IQCM: variants seen among roughly 807,000 people sequenced by gnomAD.
IQCM encodes IQ domain-containing protein M.
In IQCM, 45 loss-of-function variants were observed where a neutral mutation model predicts 57.6. The ratio of observed to expected loss-of-function variants is 0.78; its 90% CI spans 0.62 to 1.00. The LOEUF is 1.00. Among genes scored for constraint, IQCM ranks in the 50% least tolerant of loss-of-function variants. The pLI is 0.00. For missense variants in IQCM, 468 were observed against 511.6 expected (o/e 0.91, Z 0.82); for synonymous variants, 148 against 158.9 (o/e 0.93, Z 0.51).
chr4:149,388,746 T>C (rs2111073388), intron 13 of IQCM, among the ~76,000 whole-genome samples: 1 of 145,058 alleles, frequency 6.9e-6, no homozygotes, highest in South Asian at 2.1e-4. Context: ...ATATATGACA[T>C]ATATAATATA....
chr4:149,487,104 T>A (rs1338291601), intron 12 of IQCM, among the ~76,000 whole-genome samples: 1 of 152,144 alleles, frequency 6.6e-6, no homozygotes, highest in Admixed American at 6.5e-5. Context: ...CTGGTATCAC[T>A]GCTGGTTATT....
At chr4:149,394,294 A>G (rs1031818421) in intron 13 of IQCM, among the ~76,000 whole-genome samples, 1 of 151,774 alleles carries the variant, frequency 6.6e-6, no homozygotes. Flanking sequence ...TCATTTTTTG[A>G]ATCTTCATGT....
chr4:149,702,365 T>C (rs960771270), intron 5 of IQCM, among the ~76,000 whole-genome samples: 13 of 151,122 alleles, frequency 8.6e-5, no homozygotes, highest in Non-Finnish European at 1.6e-4. Flanking sequence ...ACCTAAATAC[T>C]ACCTGTATTT....
At chr4:149,612,401 T>G (rs1755377674) in intron 8 of IQCM, among the ~76,000 whole-genome samples, 1 of 152,208 alleles carries the variant, frequency 6.6e-6, no homozygotes, top group Non-Finnish European at 1.5e-5. Flanking sequence ...TCCACCCATT[T>G]TCTCATTTAC....
intron 5 of IQCM, chr4:149,711,127 T>G (rs1445146275): frequency 2.0e-5 from 3 of 152,104 alleles, no homozygotes; most frequent in African/African-American, 7.2e-5. Context: ...TAGTTCTTCA[T>G]GAAAATAAAA....
intron 12 of IQCM, among the ~76,000 whole-genome samples, chr4:149,452,406 TGAA>T (rs1402313831): frequency 6.8e-6 from 1 of 147,612 alleles, no homozygotes; most frequent in East Asian, 2.0e-4. Flanking sequence ...AAAAAAAAAA[TGAA>T]GAACGTATAC....
intron 2 of IQCM, among the ~76,000 whole-genome samples, chr4:149,786,989 T>C (rs1772134187): frequency 6.6e-6 from 1 of 152,148 alleles, no homozygotes; most frequent in South Asian, 2.1e-4. Flanking sequence ...CATGGAATAC[T>C]AGGCAGCCAT....
chr4:149,782,608 G>GA (rs1276227974), intron 2 of IQCM, among the ~76,000 whole-genome samples: 3 of 89,086 alleles, frequency 3.4e-5, no homozygotes, highest in Non-Finnish European at 4.5e-5. Flanking sequence ...CTCAAAGAAA[G>GA]AAAAAAAAAG....
intron 2 of IQCM, among the ~76,000 whole-genome samples, chr4:149,800,970 A>G (rs1360593066): frequency 1.3e-4 from 20 of 151,826 alleles, no homozygotes; most frequent in Admixed American, 1.2e-3. Context: ...TCACAGAAAT[A>G]GAAAAAAAAT....
chr4:149,516,685 C>T (rs958301729), intron 12 of IQCM, among the ~76,000 whole-genome samples: 2 of 152,078 alleles, frequency 1.3e-5, no homozygotes, highest in Non-Finnish European at 2.9e-5. Context: ...GTGGAAGTGG[C>T]ACCTCTCACC....
intron 5 of IQCM, among the ~76,000 whole-genome samples, chr4:149,713,708 C>T (rs1234726835): frequency 6.6e-6 from 1 of 152,122 alleles, no homozygotes; most frequent in Non-Finnish European, 1.5e-5. Context: ...CCCATACACT[C>T]CATGTGCCCT....
intron 7 of IQCM, among the ~76,000 whole-genome samples, chr4:149,673,056 T>C (rs1032640718): frequency 6.6e-6 from 1 of 152,052 alleles, no homozygotes; most frequent in Admixed American, 6.6e-5. Flanking sequence ...AATAAAATCC[T>C]TTACAGACAA....
At chr4:149,543,909 A>G (rs1420895174) in intron 12 of IQCM, among the ~76,000 whole-genome samples, 1 of 152,194 alleles carries the variant, frequency 6.6e-6, no homozygotes. Flanking sequence ...AAATAGGTGA[A>G]CAAATATTTA....
chr4:149,564,876 A>G (rs1750465818), intron 9 of IQCM, among the ~76,000 whole-genome samples: 1 of 152,160 alleles, frequency 6.6e-6, no homozygotes, highest in African/African-American at 2.4e-5. Context: ...TGACCCTAGC[A>G]GCAATTAATA....
intron 2 of IQCM, among the ~76,000 whole-genome samples, chr4:149,780,941 G>C (rs1771550814): frequency 6.6e-6 from 1 of 152,120 alleles, no homozygotes; most frequent in Non-Finnish European, 1.5e-5. Flanking sequence ...TAGACATGTT[G>C]AGTTTAAGGA....
intron 12 of IQCM, among the ~76,000 whole-genome samples, chr4:149,460,936 A>G (rs1353074475): frequency 6.6e-6 from 1 of 152,178 alleles, no homozygotes; most frequent in African/African-American, 2.4e-5. Flanking sequence ...AAAAAAAATC[A>G]ATGTCAAAAT....
chr4:149,353,162 T>A (rs2110861832), intron 13 of IQCM, among the ~76,000 whole-genome samples: 1 of 152,206 alleles, frequency 6.6e-6, no homozygotes, highest in East Asian at 1.9e-4. Flanking sequence ...GATTTAAAAA[T>A]GGACAACAGG....
At chr4:149,586,990 A>G (rs1370884308) in intron 9 of IQCM, among the ~76,000 whole-genome samples, 1 of 151,734 alleles carries the variant, frequency 6.6e-6, no homozygotes, top group African/African-American at 2.4e-5. Flanking sequence ...TGCACAATTC[A>G]GGAGTCAGCC....
At chr4:149,399,854 G>C (rs867367820) in intron 13 of IQCM, among the ~76,000 whole-genome samples, 1 of 152,062 alleles carries the variant, frequency 6.6e-6, no homozygotes, top group African/African-American at 2.4e-5. Flanking sequence ...ATCGTAGCAA[G>C]TTCTCTTCAA....
Sources: allele counts gnomAD v4.1 joint callset (sites outside exome capture counted in the v4.1 genomes callset), GRCh38; gene constraint gnomAD v4.1.1; transcripts MANE v1.5; gene names NCBI Gene and HGNC (gene_info 2026-07-23, HGNC 2026-07-21).